The following TECR variants were observed in gnomAD, a reference collection of about 807,000 sequenced individuals.
TECR encodes trans-2,3-enoyl-CoA reductase.
A neutral mutation model predicts 50.6 loss-of-function variants in TECR; 19 were observed. The ratio of observed to expected loss-of-function variants is 0.38; its 90% confidence interval spans 0.26 to 0.55. The LOEUF (loss-of-function observed/expected upper bound fraction) is 0.55. Ranked by LOEUF, TECR falls within the 20% of genes least tolerant of loss-of-function variation. The pLI is 0.79. For synonymous variants in TECR, 168 were observed against 163.5 expected (o/e 1.03, Z -0.21); for missense variants, 313 against 408.3 (o/e 0.77, Z 2.01).
At position 14,563,491 on chromosome 19, in the gene TECR, T is replaced by C. The variant is rs961105760; in HGVS notation, c.119-167T>C. On this transcript the variant is annotated intron_variant, in intron 3 of 12. Coordinates refer to ENST00000215567, the MANE Select transcript of TECR (RefSeq NM_138501.6). The surrounding 1 kb of genome is among the most constrained non-coding windows in gnomAD (Gnocchi z 5.3). ...CTTCTGCCCGCGCTCTTCTGGCTTG[T>C]GTCCTGAAACCGCACAAGCCTGAGG... 1.1e-6 allele frequency: 1 copy of C among 936,990 alleles called. No individual in the cohort carries two copies. Among genetic ancestry groups the C allele is most frequent in the African/African-American group, 1.6e-5 (1 of 61,124 alleles). The allele number at this position is 936,990 out of a possible 1,614,324, so 58.0% of individuals were successfully genotyped here. A position where few individuals can be genotyped will look rare whatever the true frequency, so the allele number is the denominator to read the frequency against.
chr19:14,548,356 C>G (rs932524914), intron 1 of TECR, among the ~76,000 whole-genome samples: 3 of 152,140 alleles, frequency 2.0e-5, no homozygotes, highest in African/African-American at 7.2e-5. Flanking sequence ...CAGTTCCGGC[C>G]TGTTTGTTAC....
upstream of TECR, among the ~76,000 whole-genome samples, chr19:14,528,076 G>A (rs531716320): frequency 1.3e-5 from 2 of 151,514 alleles, no homozygotes; most frequent in East Asian, 1.9e-4. Flanking sequence ...TAGAGACAGG[G>A]TTTCACCACG....
chr19:14,529,448 G>A (rs2072523469), upstream of TECR: 4 of 632,262 alleles, frequency 6.3e-6, no homozygotes, highest in South Asian at 3.5e-5. Context: ...GATTGGTCTC[G>A]CAAGTTGATT....
chr19:14,557,102 T>C (rs1452232115), intron 1 of TECR, among the ~76,000 whole-genome samples: 1 of 137,714 alleles, frequency 7.3e-6, no homozygotes, highest in Non-Finnish European at 1.6e-5. Flanking sequence ...GTTCTGCTAG[T>C]GTTGGTCTAA....
intron 1 of TECR, chr19:14,562,037 T>C: frequency 3.4e-6 from 1 of 293,346 alleles, no homozygotes; most frequent in Non-Finnish European, 6.5e-6. Flanking sequence ...GCTGGTGCCG[T>C]TGAGGGTTTT....
upstream of TECR, among the ~76,000 whole-genome samples, chr19:14,528,815 G>C (rs1939088170): frequency 3.3e-5 from 5 of 152,152 alleles, no homozygotes; most frequent in South Asian, 1.0e-3. Context: ...GTGGTGGCGG[G>C]TGCCTGTAAT....
rs746347581 is a variant in TECR at position 14,563,927 on chromosome 19, C to T, written c.267+24C>T. On this transcript the variant is annotated intron_variant, in intron 5 of 12. Coordinates refer to ENST00000215567, the MANE Select transcript of TECR (RefSeq NM_138501.6). The surrounding 1 kb of genome is among the most constrained non-coding windows in gnomAD (Gnocchi z 5.3). The stretch of plus-strand genomic sequence containing the variant: ...CGGTGAGTCCTGACCCTACCCACGG[C>T]CTCTTTTCCCGTCAGCCACGTTGGG... The T allele has an allele frequency of 2.5e-6, 4 of 1,613,976 alleles. No homozygotes were observed. Among genetic ancestry groups the T allele is most frequent in the Non-Finnish European group, 3.4e-6 (4 of 1,179,878 alleles).
At chr19:14,547,561 C>T (rs1360093198) in intron 1 of TECR, among the ~76,000 whole-genome samples, 1 of 152,076 alleles carries the variant, frequency 6.6e-6, no homozygotes, top group Non-Finnish European at 1.5e-5. Flanking sequence ...GAGTTTTCAC[C>T]ATGTTAGCTA....
At chr19:14,530,275 C>T (rs1599398471) in intron 1 of TECR, 1 of 162,974 alleles carries the variant, frequency 6.1e-6, no homozygotes, top group Admixed American at 5.7e-5. Context: ...CTACGTCAAC[C>T]CTTGGGTGTC....
intron 1 of TECR, among the ~76,000 whole-genome samples, chr19:14,558,633 C>T (rs1049882893): frequency 6.6e-6 from 1 of 152,168 alleles, no homozygotes; most frequent in Non-Finnish European, 1.5e-5. Context: ...CGTTCCTGCC[C>T]TCTCCCTGCC....
At chr19:14,530,574 C>G (rs1026591849) in intron 1 of TECR, 1 of 152,054 alleles carries the variant, frequency 6.6e-6, no homozygotes, top group Non-Finnish European at 1.5e-5. Context: ...TATTATTATT[C>G]CTGTTTGTAA....
intron 1 of TECR, among the ~76,000 whole-genome samples, chr19:14,535,198 C>A (rs8113070): frequency 0.26 from 39,411 of 151,122 alleles, 5,671 homozygotes; most frequent in African/African-American, 0.38. Context: ...CATGGCGAAA[C>A]CCCCTCTCCA....
At chr19:14,551,320 C>T (rs2073496508) in intron 1 of TECR, among the ~76,000 whole-genome samples, 1 of 152,048 alleles carries the variant, frequency 6.6e-6, no homozygotes, top group Non-Finnish European at 1.5e-5. Context: ...GGTGATCCAC[C>T]CACCTCGGCC....
At position 14,563,256 on chromosome 19, in the gene TECR, C is replaced by T. The variant is rs145931907; in HGVS notation, c.117C>T (p.Thr39=). ...IAEIKNLFTK[T]HPQWYPARQS... is the part of the protein sequence containing the mutation. The stretch of plus-strand genomic sequence containing the variant: ...AGATCAAGAACCTCTTCACTAAGAC[C>T]CGTGAGTTCTAGTCCCGGCCACACT... The change falls in exon 3 of 13, where the codon ACC becomes ACT. Residue 39 remains threonine, a splice_region_variant and synonymous_variant. Transcript: ENST00000215567. This position sits in a 1 kb window ranked among gnomAD's most constrained non-coding sequence, Gnocchi z 5.3. The T allele has an allele frequency of 7.9e-5, 127 of 1,613,322 alleles. 1 individual carries two copies. The East Asian group carries it at 2.5e-3, about 32-fold the overall frequency.
At chr19:14,562,763 A>G (rs887610510) in intron 2 of TECR, among the ~76,000 whole-genome samples, 188 bp downstream of exon 2, 3 of 151,862 alleles carry the variant, frequency 2.0e-5, no homozygotes, top group African/African-American at 4.8e-5. Flanking sequence ...GAGGCACAGG[A>G]GTCTCAGTGG....
rs574338483 is a variant in TECR at position 14,552,313 on chromosome 19, C to T, written c.16-10212C>T. On this transcript the variant is annotated intron_variant, in intron 1 of 12. Transcript: ENST00000215567. The stretch of plus-strand genomic sequence containing the variant: ...CCTCCCAAACTGCTGGGATTATAGG[C>T]GTGAGCCACCGTGCCCGGCCTGCCT... 3.5e-3 allele frequency among the ~76,000 whole-genome samples: 526 copies of T among 151,370 alleles called. 6 individuals carry two copies. Among genetic ancestry groups the T allele is most frequent in the African/African-American group, 0.012 (485 of 41,296 alleles).
chr19:14,559,897 A>G (rs1029552935), intron 1 of TECR, among the ~76,000 whole-genome samples: 6 of 152,102 alleles, frequency 3.9e-5, no homozygotes, highest in Non-Finnish European at 2.9e-5. Flanking sequence ...ATGGCCGACG[A>G]GCTGGGGATT....
chr19:14,542,049 C>T (rs2073113022), intron 1 of TECR, among the ~76,000 whole-genome samples: 1 of 152,120 alleles, frequency 6.6e-6, no homozygotes, highest in South Asian at 2.1e-4. Context: ...TTCCAGAATG[C>T]TGGGATTACA....
chr19:14,543,419 ATTTTTTTTTTTTTTTTTTTTTTT>A (rs1169742953), intron 1 of TECR, among the ~76,000 whole-genome samples: 659 of 21,806 alleles, frequency 0.03, 19 homozygotes, highest in Admixed American at 0.059. Context: ...ATATATATAT[ATTTTTTTTTTTTTTTTTTTTTTT>A]TTTTTTTTTT....
Sources: gnomAD v4.1 joint callset for allele counts (sites outside exome capture counted in the v4.1 genomes callset) on GRCh38, gnomAD v4.1.1 for gene constraint, Gnocchi (gnomAD v3.1) non-coding constraint, MANE v1.5 for transcripts, NCBI Gene and HGNC (gene_info 2026-07-23, HGNC 2026-07-21) for gene names.